Variants in CDK15 observed in about 807,000 individuals in gnomAD.
CDK15 encodes cyclin dependent kinase 15.
Under a neutral mutation model 60.3 loss-of-function variants are expected in CDK15, and 62 were observed. That is an observed-to-expected ratio of 1.03 (90% CI 0.84 to 1.27). The LOEUF (loss-of-function observed/expected upper bound fraction) is 1.27, where lower values mean the gene tolerates loss of function less well. Among genes scored for constraint, CDK15 ranks in the 50% most tolerant of loss-of-function variants. The pLI is 0.00. For synonymous variants in CDK15, 194 were observed against 195.7 expected (o/e 0.99, Z 0.07); for missense variants, 541 against 527.8 (o/e 1.03, Z -0.25).
chr2:201,876,773 TA>T (rs545295387), intron 11 of CDK15, among the ~76,000 whole-genome samples: 4 of 151,758 alleles, frequency 2.6e-5, no homozygotes, highest in Non-Finnish European at 5.9e-5. Context: ...TCACCTGGTT[TA>T]AAAAAAACAA....
intron 6 of CDK15, among the ~76,000 whole-genome samples, chr2:201,826,232 G>A (rs969007454): frequency 3.3e-5 from 5 of 152,112 alleles, no homozygotes; most frequent in East Asian, 3.9e-4. Flanking sequence ...AGGCCGAGGC[G>A]GGTGGATCAC....
chr2:201,807,993 T>A (rs1355129961), intron 3 of CDK15, 41 bp downstream of exon 3: 2 of 1,523,052 alleles, frequency 1.3e-6, no homozygotes, highest in Non-Finnish European at 1.8e-6. Context: ...GAGATGAGAG[T>A]CCCGCCCCCC....
chr2:201,855,063 A>G (rs1451600724), intron 10 of CDK15, 126 bp downstream of exon 10: 14 of 753,504 alleles, frequency 1.9e-5, no homozygotes, highest in Non-Finnish European at 3.2e-5. Context: ...GAATTTCTAC[A>G]TTCATATATT....
rs377366156 is a variant in CDK15 at position 201,807,538 on chromosome 2, C to T, written c.168C>T (p.His56=). 6 of 1,614,044 alleles carry T rather than the reference C, an allele frequency of 3.7e-6. No individual in the cohort carries two copies. The highest frequency in any genetic ancestry group is 3.3e-5 in the South Asian group (3 of 91,080). The change falls in exon 2 of 14, where the codon CAC becomes CAT. Residue 56 remains histidine (H), a synonymous_variant. Transcript: ENST00000652192. The part of the protein sequence containing the change: ...KEASCSMTSF[H]PRGLQAARAQ... Reference sequence around the variant, plus strand: ...CATCATGTTCCATGACTTCATTTCACCCCAGGGGACTTCAAGCTGCCCGTG... The same window carrying T: ...CATCATGTTCCATGACTTCATTTCATCCCAGGGGACTTCAAGCTGCCCGTG...
intron 8 of CDK15, among the ~76,000 whole-genome samples, chr2:201,840,434 A>G (rs762002984): frequency 7.2e-5 from 11 of 152,184 alleles, no homozygotes; most frequent in Non-Finnish European, 1.6e-4. Context: ...CTTTTGCTTT[A>G]TATGCTTTGA....
At chr2:201,862,707 C>T (rs1279221839) in intron 10 of CDK15, among the ~76,000 whole-genome samples, 1 of 152,158 alleles carries the variant, frequency 6.6e-6, no homozygotes, top group Admixed American at 6.5e-5. Context: ...AGGTATGTGA[C>T]TTGCTTAGGG....
rs185738879 is a variant in CDK15 at position 201,892,168 on chromosome 2, A to T, written c.*34-1133A>T. Among the ~76,000 whole-genome samples, 24 of 152,344 alleles carry T rather than the reference A, an allele frequency of 1.6e-4. 1 individual carries two copies. The highest frequency in any genetic ancestry group is 5.8e-4 in the African/African-American group (24 of 41,592). On this transcript the variant is annotated intron_variant, in intron 13 of 13. Coordinates refer to ENST00000652192, the MANE Select transcript of CDK15 (RefSeq NM_001366386.2). ...ACCTAAGTTTGTATTTTGACAATAT[A>T]CATTTAGAATTACAATTGGTGATAT... is the stretch of plus-strand genomic sequence containing the variant.
intron 9 of CDK15, among the ~76,000 whole-genome samples, chr2:201,852,384 C>T (rs909650179): frequency 2.0e-5 from 3 of 152,164 alleles, no homozygotes; most frequent in Non-Finnish European, 2.9e-5. Flanking sequence ...GGAATAAAAA[C>T]ACATTGAGAA....
rs556665570 is a variant in CDK15 at position 201,808,296 on chromosome 2, C to G, written c.368+344C>G. On this transcript the variant is annotated intron_variant, in intron 3 of 13. Coordinates refer to ENST00000652192, the MANE Select transcript of CDK15 (RefSeq NM_001366386.2). ...GGCACAGTTGGTAAAGCGTCTCTAA[C>G]AGGTTTTTTATATCCCTCCCTAAAT... is the stretch of plus-strand genomic sequence containing the variant. Among the ~76,000 whole-genome samples the G allele has an allele frequency of 2.0e-5, 3 of 152,320 alleles. No homozygotes were observed. The South Asian group carries it at 6.2e-4, about 32-fold the overall frequency.
chr2:201,830,088 A>G (rs905742130), intron 6 of CDK15, among the ~76,000 whole-genome samples: 3 of 152,070 alleles, frequency 2.0e-5, no homozygotes, highest in African/African-American at 7.2e-5. Flanking sequence ...GATTACAGGT[A>G]TGAGCCACTG....
intron 3 of CDK15, among the ~76,000 whole-genome samples, chr2:201,809,150 C>T (rs1695641938): frequency 6.6e-6 from 1 of 152,052 alleles, no homozygotes; most frequent in Non-Finnish European, 1.5e-5. Context: ...TCTAAGCTTC[C>T]TCATATCAAT....
At chr2:201,847,528 A>G in intron 9 of CDK15, 54 bp downstream of exon 9, 1 of 1,506,436 alleles carries the variant, frequency 6.6e-7, no homozygotes, top group Non-Finnish European at 9.2e-7. Flanking sequence ...TAAGTTTTGA[A>G]CCAAATTTGC....
At chr2:201,889,258 G>T (rs1410006458) in intron 12 of CDK15, 7 of 985,198 alleles carry the variant, frequency 7.1e-6, no homozygotes, top group Middle Eastern at 5.2e-4. Context: ...GAGATATTTT[G>T]AGCACCCCAG....
chr2:201,859,309 G>A (rs1214016680), intron 10 of CDK15, among the ~76,000 whole-genome samples: 1 of 152,174 alleles, frequency 6.6e-6, no homozygotes, highest in Non-Finnish European at 1.5e-5. Flanking sequence ...TCTGCTAGTA[G>A]AAGACAGTAT....
intron 4 of CDK15, among the ~76,000 whole-genome samples, chr2:201,813,335 G>T (rs768444753): frequency 1.3e-5 from 2 of 152,086 alleles, no homozygotes; most frequent in Non-Finnish European, 2.9e-5. Flanking sequence ...TAAACATCAA[G>T]AAGCCAACAT....
chr2:201,873,042 G>A (rs1042832300), intron 11 of CDK15, among the ~76,000 whole-genome samples: 72 of 152,184 alleles, frequency 4.7e-4, no homozygotes, highest in Non-Finnish European at 1.2e-4. Flanking sequence ...CTTGCAGGTG[G>A]GGAGAAGTGG....
chr2:201,821,058 A>T (rs1232579112), intron 4 of CDK15, among the ~76,000 whole-genome samples: 1 of 152,050 alleles, frequency 6.6e-6, no homozygotes, highest in Non-Finnish European at 1.5e-5. Context: ...ATTACCCAAC[A>T]CTGGTTTGCT....
In CDK15 at chr2:201,834,039, G is replaced by A. The variant is rs146149737; in HGVS notation, c.730+68G>A. ...TGCTTTTGTGTGCACTTGTTTAAGCGTTGACTGGGCCTGGCCTTTGAAAAC... is the reference window on the plus strand; with the variant it reads ...TGCTTTTGTGTGCACTTGTTTAAGCATTGACTGGGCCTGGCCTTTGAAAAC... On this transcript the variant is annotated intron_variant, in intron 7 of 13. Coordinates refer to ENST00000652192, the MANE Select transcript of CDK15 (RefSeq NM_001366386.2). 1.5e-4 allele frequency: 230 copies of A among 1,557,704 alleles called. 1 individual carries two copies. The Middle Eastern group carries it at 2.1e-3, about 14-fold the overall frequency.
chr2:201,817,126 G>T lies in CDK15; in HGVS notation c.448+4564G>T, dbSNP rs555165128. Reference sequence around the variant, plus strand: ...AGGCTCACCCTTGAATTCTTTCCTGGGTGAAGCCAAGAACCCTCCCAGGCT... The same window carrying T: ...AGGCTCACCCTTGAATTCTTTCCTGTGTGAAGCCAAGAACCCTCCCAGGCT... On this transcript the variant is annotated intron_variant, in intron 4 of 13. Coordinates refer to ENST00000652192, the MANE Select transcript of CDK15 (RefSeq NM_001366386.2). Among the ~76,000 whole-genome samples, 12 of 152,268 alleles carry T rather than the reference G, an allele frequency of 7.9e-5. 1 individual carries two copies. The East Asian group carries it at 2.1e-3, about 27-fold the overall frequency.
Sources: allele counts gnomAD v4.1 joint callset (sites outside exome capture counted in the v4.1 genomes callset), GRCh38; gene constraint gnomAD v4.1.1; transcripts MANE v1.5; gene names NCBI Gene and HGNC (gene_info 2026-07-23, HGNC 2026-07-21).